The following PDZRN4 variants were observed in gnomAD, a reference collection of about 807,000 sequenced individuals.
PDZRN4 encodes PDZ domain containing ring finger 4, also known as PDZ domain-containing RING finger protein 4.
In PDZRN4, 70 loss-of-function variants were observed where a neutral mutation model predicts 99.0. The ratio of observed to expected loss-of-function variants is 0.71; its 90% CI spans 0.58 to 0.86. The LOEUF is 0.86. Ranked by LOEUF, PDZRN4 falls within the 40% of genes least tolerant of loss-of-function variation. The pLI is 0.00. For synonymous variants in PDZRN4, 551 were observed against 501.6 expected (o/e 1.10, Z -1.32); for missense variants, 1,474 against 1,331.2 (o/e 1.11, Z -1.67).
At chr12:41,196,193 T>A (rs1950771652) in intron 3 of PDZRN4, among the ~76,000 whole-genome samples, 1 of 152,076 alleles carries the variant, frequency 6.6e-6, no homozygotes, top group African/African-American at 2.4e-5. Context: ...ATATGTCAGA[T>A]TAACCTTATT....
intron 3 of PDZRN4, among the ~76,000 whole-genome samples, chr12:41,373,096 G>T (rs1467847482): frequency 6.6e-6 from 1 of 152,100 alleles, no homozygotes; most frequent in East Asian, 1.9e-4. Flanking sequence ...TTTTCAAAAG[G>T]TGAGGGAGTG....
At chr12:41,555,264 C>T (rs1046454756) in intron 6 of PDZRN4, among the ~76,000 whole-genome samples, 11 of 87,252 alleles carry the variant, frequency 1.3e-4, no homozygotes, top group South Asian at 7.6e-4. Context: ...AAAAAAAGGA[C>T]GGACTTACAC....
At chr12:41,421,690 C>G (rs186677870) in intron 3 of PDZRN4, among the ~76,000 whole-genome samples, 16 of 152,238 alleles carry the variant, frequency 1.1e-4, no homozygotes, top group African/African-American at 3.8e-4. Context: ...AAGTGTCACC[C>G]CTTTAATGTT....
At position 41,554,549 on chromosome 12, in the gene PDZRN4, C is replaced by T. The variant is rs547778756; in HGVS notation, c.1303-1149C>T. On this transcript the variant is annotated intron_variant, in intron 6 of 9. Coordinates refer to ENST00000402685, the MANE Select transcript of PDZRN4 (RefSeq NM_001164595.2). ...ATGGATAGGATGGATCAACCTTATG[C>T]TACACTTGAAACAGTTTGCTTAAAA... Among the ~76,000 whole-genome samples, 59 of 151,936 alleles carry T rather than the reference C, an allele frequency of 3.9e-4. No homozygotes were observed. In the South Asian group the frequency reaches 0.011, roughly 28 times the overall value.
intron 5 of PDZRN4, among the ~76,000 whole-genome samples, chr12:41,517,008 T>C (rs893242129): frequency 1.4e-4 from 22 of 152,122 alleles, no homozygotes; most frequent in African/African-American, 5.3e-4. Context: ...GAAAGAAAAA[T>C]GCCACAAAGT....
At chr12:41,536,761 T>TAAAAAAAAAAAAAAA (rs59008796) in intron 5 of PDZRN4, among the ~76,000 whole-genome samples, 2,006 of 136,142 alleles carry the variant, frequency 0.015, 27 homozygotes, top group African/African-American at 0.023. Flanking sequence ...TATTGAAAAG[T>TAAAAAAAAAAAAAAA]AAAAAAAAAA....
chr12:41,468,091 G>T (rs1194522704), intron 3 of PDZRN4, among the ~76,000 whole-genome samples: 1 of 152,178 alleles, frequency 6.6e-6, no homozygotes, highest in Non-Finnish European at 1.5e-5. Flanking sequence ...ACAGGAAACA[G>T]CATACAAATA....
intron 3 of PDZRN4, among the ~76,000 whole-genome samples, chr12:41,291,537 T>A (rs1951456699): frequency 6.6e-6 from 1 of 152,190 alleles, no homozygotes; most frequent in Admixed American, 6.6e-5. Context: ...ATATTATTAT[T>A]CTTTATTTAC....
intron 7 of PDZRN4, among the ~76,000 whole-genome samples, chr12:41,556,062 C>T (rs762788500): frequency 6.6e-6 from 1 of 152,096 alleles, no homozygotes; most frequent in Non-Finnish European, 1.5e-5. Context: ...GCTTTATTTC[C>T]TCATCTTAAA....
At chr12:41,358,643 C>T (rs556053909) in intron 3 of PDZRN4, among the ~76,000 whole-genome samples, 4 of 152,110 alleles carry the variant, frequency 2.6e-5, no homozygotes, top group South Asian at 4.1e-4. Context: ...CAAGACTGTC[C>T]TGCCACAGCT....
intron 3 of PDZRN4, among the ~76,000 whole-genome samples, chr12:41,488,496 A>T (rs1459752572): frequency 3.9e-5 from 6 of 152,190 alleles, no homozygotes; most frequent in African/African-American, 1.4e-4. Context: ...GAATCCAGGG[A>T]TCCTTGTCTT....
chr12:41,552,893 T>G, intron 6 of PDZRN4, 139 bp downstream of exon 6: 1 of 592,530 alleles, frequency 1.7e-6, no homozygotes, highest in African/African-American at 1.9e-5. Context: ...ACGTGTCACC[T>G]TCAATTAGGA....
At chr12:41,291,989 G>A (rs914549510) in intron 3 of PDZRN4, among the ~76,000 whole-genome samples, 12 of 152,146 alleles carry the variant, frequency 7.9e-5, no homozygotes, top group African/African-American at 2.4e-4. Context: ...TGGGAAAACA[G>A]GCTAAAGGAT....
chr12:41,540,838 C>T (rs1436439063), intron 5 of PDZRN4, among the ~76,000 whole-genome samples: 4 of 150,728 alleles, frequency 2.7e-5, no homozygotes, highest in African/African-American at 9.9e-5. Context: ...GACTGCAGCC[C>T]TACAGCCCCA....
rs190960514 is a variant in PDZRN4 at position 41,405,644 on chromosome 12, G to A, written c.844-100812G>A. On this transcript the variant is annotated intron_variant, in intron 3 of 9. Transcript: ENST00000402685. Reference sequence around the variant, plus strand: ...ATCATTATGCCAAAAAGACACATGCGCTCATGTATTTATTGCCATGCTATT... The same window carrying A: ...ATCATTATGCCAAAAAGACACATGCACTCATGTATTTATTGCCATGCTATT... Among the ~76,000 whole-genome samples, 322 of 152,146 alleles carry A rather than the reference G, an allele frequency of 2.1e-3. 1 individual carries two copies. The highest frequency in any genetic ancestry group is 0.02 in the Middle Eastern group (6 of 294).
chr12:41,485,275 C>A (rs1016313997), intron 3 of PDZRN4, among the ~76,000 whole-genome samples: 2 of 152,134 alleles, frequency 1.3e-5, no homozygotes, highest in African/African-American at 2.4e-5. Context: ...TATCCCTGGG[C>A]AGGCAAAATG....
intron 5 of PDZRN4, among the ~76,000 whole-genome samples, chr12:41,541,157 C>A (rs915037008): frequency 1.3e-5 from 2 of 152,016 alleles, no homozygotes; most frequent in African/African-American, 4.8e-5. Context: ...GTCTTGATCT[C>A]CTGACCTCAT....
At chr12:41,280,305 A>G (rs1056808911) in intron 3 of PDZRN4, among the ~76,000 whole-genome samples, 2 of 152,086 alleles carry the variant, frequency 1.3e-5, no homozygotes, top group African/African-American at 4.8e-5. Context: ...GCAGACACTG[A>G]GCTAGCTGTG....
At chr12:41,555,670 T>C (rs1939145823) in intron 6 of PDZRN4, 28 bp from the exon 7 acceptor site, 1 of 1,570,952 alleles carries the variant, frequency 6.4e-7, no homozygotes, top group East Asian at 2.2e-5. Flanking sequence ...TCATACCCAG[T>C]TGAAGATGTA....
Sources: allele counts gnomAD v4.1 joint callset (sites outside exome capture counted in the v4.1 genomes callset), GRCh38; gene constraint gnomAD v4.1.1; transcripts MANE v1.5; gene names NCBI Gene and HGNC (gene_info 2026-07-23, HGNC 2026-07-21).